Variants in EPHA6 observed in about 807,000 individuals in gnomAD.
The protein encoded by EPHA6 is ephrin type-A receptor 6.
In EPHA6, 50 loss-of-function variants were observed where a neutral mutation model predicts 112.0. The observed-to-expected ratio is 0.45, with a 90% CI of 0.36 to 0.56. The LOEUF is 0.56. EPHA6 is among the 20% of genes least tolerant of loss of function. EPHA6 has a pLI of 0.00. For missense variants in EPHA6, 1,280 were observed against 1,417.4 expected (o/e 0.90, Z 1.56); for synonymous variants, 529 against 490.7 (o/e 1.08, Z -1.03).
At chr3:97,406,451 C>A (rs1259345078) in intron 6 of EPHA6, among the ~76,000 whole-genome samples, 1 of 152,088 alleles carries the variant, frequency 6.6e-6, no homozygotes, top group Non-Finnish European at 1.5e-5. Flanking sequence ...ATATGAAACC[C>A]ACTCCCATGG....
intron 1 of EPHA6, among the ~76,000 whole-genome samples, chr3:96,859,218 A>G (rs936067974): frequency 3.9e-5 from 6 of 152,032 alleles, no homozygotes; most frequent in Non-Finnish European, 7.4e-5. Flanking sequence ...TGCTGTCTTG[A>G]TTTGGCTGTA....
At chr3:97,307,748 A>AT (rs1394882619) in intron 5 of EPHA6, among the ~76,000 whole-genome samples, 16 of 151,486 alleles carry the variant, frequency 1.1e-4, no homozygotes, top group African/African-American at 3.9e-4. Flanking sequence ...AGACAAAAAA[A>AT]AATATATATA....
At chr3:97,192,535 T>C (rs1438789670) in intron 3 of EPHA6, among the ~76,000 whole-genome samples, 4 of 152,180 alleles carry the variant, frequency 2.6e-5, no homozygotes, top group Non-Finnish European at 4.4e-5. Flanking sequence ...TAATCCTTTA[T>C]CAATGGGTGG....
At chr3:96,969,629 A>T (rs181922382) in intron 2 of EPHA6, among the ~76,000 whole-genome samples, 1 of 152,136 alleles carries the variant, frequency 6.6e-6, no homozygotes, top group African/African-American at 2.4e-5. Flanking sequence ...GGTTCTCTGC[A>T]AATTTTATTT....
At chr3:97,615,893 A>C (rs1398183351) in intron 13 of EPHA6, among the ~76,000 whole-genome samples, 1 of 152,178 alleles carries the variant, frequency 6.6e-6, no homozygotes, top group Non-Finnish European at 1.5e-5. Flanking sequence ...TAGTGGTTAC[A>C]GCTTCCGGGC....
At chr3:97,144,810 C>T (rs1421368897) in intron 3 of EPHA6, among the ~76,000 whole-genome samples, 2 of 149,842 alleles carry the variant, frequency 1.3e-5, no homozygotes, top group Non-Finnish European at 3.0e-5. Flanking sequence ...TGATTTGTAT[C>T]TTTCTTTTCT....
intron 8 of EPHA6, 23 bp downstream of exon 8, chr3:97,475,483 T>C: frequency 6.6e-7 from 1 of 1,505,300 alleles, no homozygotes; most frequent in Non-Finnish European, 9.2e-7. Flanking sequence ...TACCATACTA[T>C]TTCCGAGATT....
rs67777487 is a variant in EPHA6, at chr3:97,085,928, C to CATATATATATATATATATATATATATAT, written c.1114+97956_1114+97957insTATATATATATATATATATATATATATA. Among the ~76,000 whole-genome samples the CATATATATATATATATATATATATATAT allele has an allele frequency of 3.1e-3, 375 of 119,184 alleles. 11 individuals carry two copies. Among genetic ancestry groups the CATATATATATATATATATATATATATAT allele is most frequent in the African/African-American group, 5.3e-3 (119 of 22,262 alleles). 78.2% of individuals were successfully genotyped at this position (119,184 alleles called of 152,430 possible). On this transcript the variant is annotated intron_variant, in intron 3 of 17. Coordinates refer to ENST00000389672, the MANE Select transcript of EPHA6 (RefSeq NM_001080448.3). Reference sequence around the variant, plus strand: ...TTGTGAGCTTTTATATATATGATGTCATATATATATATATATATATACACA... The same window carrying CATATATATATATATATATATATATATAT: ...TTGTGAGCTTTTATATATATGATGTCATATATATATATATATATATATATATATATATATATATATATATATATACACA...
intron 14 of EPHA6, among the ~76,000 whole-genome samples, chr3:97,690,570 C>T (rs1293576416): frequency 2.0e-5 from 3 of 151,670 alleles, no homozygotes; most frequent in African/African-American, 4.8e-5. Flanking sequence ...TGGGTTCAAA[C>T]GATTCTCCTA....
chr3:97,263,808 C>T (rs1432409316), intron 5 of EPHA6, among the ~76,000 whole-genome samples: 2 of 152,072 alleles, frequency 1.3e-5, no homozygotes, highest in Non-Finnish European at 2.9e-5. Flanking sequence ...GGCAGGTAAA[C>T]ATGAAACCAA....
At chr3:97,463,966 CA>C (rs1490878737) in intron 7 of EPHA6, among the ~76,000 whole-genome samples, 1 of 152,026 alleles carries the variant, frequency 6.6e-6, no homozygotes, top group African/African-American at 2.4e-5. Context: ...GACTAGGCTT[CA>C]AAAAAGATTG....
chr3:97,279,498 T>C (rs2080214618), intron 5 of EPHA6, among the ~76,000 whole-genome samples: 1 of 150,740 alleles, frequency 6.6e-6, no homozygotes, highest in South Asian at 2.1e-4. Context: ...AGGAAATCTA[T>C]TTAAAAAAAA....
chr3:97,376,492 T>C (rs993448288), intron 5 of EPHA6, among the ~76,000 whole-genome samples: 1 of 152,198 alleles, frequency 6.6e-6, no homozygotes. Flanking sequence ...GCTAACAGTA[T>C]GTTATCAGAA....
chr3:97,067,483 A>C (rs2108144697), intron 3 of EPHA6, among the ~76,000 whole-genome samples: 1 of 152,092 alleles, frequency 6.6e-6, no homozygotes, highest in South Asian at 2.1e-4. Context: ...AGAGTGAAGT[A>C]AGTAGAATCT....
intron 5 of EPHA6, among the ~76,000 whole-genome samples, chr3:97,291,949 G>A (rs9880707): frequency 0.016 from 2,491 of 152,286 alleles, 80 homozygotes; most frequent in African/African-American, 0.057. Flanking sequence ...AGCTACCAGC[G>A]TGGATCCCAT....
At chr3:97,595,307 C>T (rs889792307) in intron 12 of EPHA6, among the ~76,000 whole-genome samples, 2 of 152,086 alleles carry the variant, frequency 1.3e-5, no homozygotes, top group Admixed American at 1.3e-4. Flanking sequence ...TTTATCAATA[C>T]GATTAACAGA....
In EPHA6 at chr3:97,355,383, G is replaced by A. The variant is rs76839256; in HGVS notation, c.1607-49767G>A. Among the ~76,000 whole-genome samples, 1,379 of 152,234 alleles carry A rather than the reference G, an allele frequency of 9.1e-3. 21 individuals carry two copies. The highest frequency in any genetic ancestry group is 0.032 in the African/African-American group (1,317 of 41,514). ...CAAAACCAGGAGAGATAAAGTTAGA[G>A]TGTTTGTTAGTTATCTCTTTTTTTG... On this transcript the variant is annotated intron_variant, in intron 5 of 17. Transcript: ENST00000389672.
chr3:97,161,543 G>A (rs1267842067), intron 3 of EPHA6, among the ~76,000 whole-genome samples: 2 of 152,112 alleles, frequency 1.3e-5, no homozygotes, highest in Admixed American at 6.6e-5. Context: ...CTTGGTAAAT[G>A]GGTGAGAGTA....
chr3:97,509,095 A>C (rs575761800), intron 10 of EPHA6, among the ~76,000 whole-genome samples: 1 of 138,432 alleles, frequency 7.2e-6, no homozygotes, highest in African/African-American at 2.7e-5. Context: ...ACATGAGATG[A>C]GTCTCCTGAA....
Sources: gnomAD v4.1 joint callset for allele counts (sites outside exome capture counted in the v4.1 genomes callset) on GRCh38, gnomAD v4.1.1 for gene constraint, MANE v1.5 for transcripts, NCBI Gene and HGNC (gene_info 2026-07-23, HGNC 2026-07-21) for gene names.